Variants in NAV2 observed in about 807,000 individuals in gnomAD.
The protein encoded by NAV2 is helicase, APC down-regulated 1.
In NAV2, 54 loss-of-function variants were observed where a neutral mutation model predicts 223.2. That is an observed-to-expected ratio of 0.24 (90% CI 0.19 to 0.30). NAV2 has a LOEUF of 0.30. Ranked by LOEUF, NAV2 falls within the 10% of genes least tolerant of loss-of-function variation. NAV2 has a pLI of 1.00. For missense variants in NAV2, 2,806 were observed against 3,147.5 expected (o/e 0.89, Z 2.60); for synonymous variants, 1,279 against 1,239.3 (o/e 1.03, Z -0.67).
At chr11:19,670,359 G>A (rs761319383) in intron 1 of NAV2, among the ~76,000 whole-genome samples, 1 of 152,186 alleles carries the variant, frequency 6.6e-6, no homozygotes, top group Non-Finnish European at 1.5e-5. Context: ...ACAAGGAAAA[G>A]GCCAAGCCAC....
chr11:19,527,567 C>A (rs530128827), intron 1 of NAV2, among the ~76,000 whole-genome samples: 1 of 152,104 alleles, frequency 6.6e-6, no homozygotes, highest in Non-Finnish European at 1.5e-5. Context: ...TCAGGCTCTC[C>A]AGCCCATTGA....
At chr11:19,370,494 C>G (rs529220404) in intron 1 of NAV2, among the ~76,000 whole-genome samples, 1 of 152,360 alleles carries the variant, frequency 6.6e-6, no homozygotes, top group South Asian at 2.1e-4. Context: ...TCAGATGGCA[C>G]AGTTTTTGGC....
At chr11:19,773,459 A>C (rs76310489) in intron 1 of NAV2, among the ~76,000 whole-genome samples, 4 of 152,102 alleles carry the variant, frequency 2.6e-5, no homozygotes, top group African/African-American at 9.7e-5. Context: ...GGGCCAGGGG[A>C]TGGGTCAGAA....
At chr11:19,594,180 G>A (rs947382879) in intron 1 of NAV2, among the ~76,000 whole-genome samples, 1 of 152,212 alleles carries the variant, frequency 6.6e-6, no homozygotes, top group Admixed American at 6.5e-5. Flanking sequence ...GGGGCTGTTG[G>A]AGATAAGGAA....
chr11:19,626,000 A>G (rs1234646910), intron 1 of NAV2, among the ~76,000 whole-genome samples: 1 of 151,822 alleles, frequency 6.6e-6, no homozygotes, highest in Admixed American at 6.6e-5. Context: ...TACTTTGTTG[A>G]TTGTTTCCCT....
chr11:19,697,177 T>G (rs1565175664), intron 1 of NAV2, among the ~76,000 whole-genome samples: 1 of 152,162 alleles, frequency 6.6e-6, no homozygotes, highest in Non-Finnish European at 1.5e-5. Context: ...AACGTAAGAA[T>G]GGAAAACCAA....
At chr11:19,846,940 A>G (rs1182722981) in intron 3 of NAV2, among the ~76,000 whole-genome samples, 6 of 152,094 alleles carry the variant, frequency 3.9e-5, no homozygotes, top group Non-Finnish European at 8.8e-5. Context: ...TTGGAGATGG[A>G]GCTTTAGAAA....
At chr11:19,753,173 A>G (rs2053971938) in intron 1 of NAV2, among the ~76,000 whole-genome samples, 1 of 152,174 alleles carries the variant, frequency 6.6e-6, no homozygotes, top group Non-Finnish European at 1.5e-5. Flanking sequence ...AGTCTACGGT[A>G]TTCTGTTATA....
chr11:20,011,558 T>C lies in NAV2; in HGVS notation c.2769-24401T>C, dbSNP rs140751814. The stretch of plus-strand genomic sequence containing the variant: ...TGGGAGTAAGAACTCATTGTACAGG[T>C]GATGAAACAGACACACATCGCTTAA... On this transcript the variant is annotated intron_variant, in intron 11 of 37. Coordinates refer to ENST00000349880, the MANE Select transcript of NAV2 (RefSeq NM_145117.5). Among the ~76,000 whole-genome samples the C allele has an allele frequency of 4.9e-3, 747 of 152,282 alleles. 8 individuals carry two copies. Among genetic ancestry groups the C allele is most frequent in the African/African-American group, 0.017 (710 of 41,540 alleles).
chr11:19,529,078 A>G (rs1402735332), intron 1 of NAV2, among the ~76,000 whole-genome samples: 1 of 152,194 alleles, frequency 6.6e-6, no homozygotes, highest in Non-Finnish European at 1.5e-5. Context: ...ACACACACAC[A>G]CTCCAGGTCG....
At chr11:19,925,556 C>A (rs2044670059) in intron 6 of NAV2, among the ~76,000 whole-genome samples, 3 of 151,968 alleles carry the variant, frequency 2.0e-5, no homozygotes, top group Admixed American at 6.6e-5. Flanking sequence ...CGAGACCAAC[C>A]CGGCCAATGT....
chr11:19,851,192 A>T (rs1565426996), intron 3 of NAV2, among the ~76,000 whole-genome samples: 1 of 152,194 alleles, frequency 6.6e-6, no homozygotes, highest in Non-Finnish European at 1.5e-5. Flanking sequence ...TAACTTGCCC[A>T]AGGTCACACA....
chr11:20,020,130 A>C (rs758767400), intron 11 of NAV2, among the ~76,000 whole-genome samples: 2 of 152,242 alleles, frequency 1.3e-5, no homozygotes, highest in African/African-American at 2.4e-5. Flanking sequence ...TTGTTTTCAT[A>C]AAATACTCAT....
chr11:19,803,125 G>A (rs767092977), intron 1 of NAV2, among the ~76,000 whole-genome samples: 26 of 152,104 alleles, frequency 1.7e-4, no homozygotes, highest in Admixed American at 1.5e-3. Flanking sequence ...GGAGGAGGCT[G>A]CCAAGGTTAA....
chr11:19,580,901 A>G (rs1590595225), intron 1 of NAV2, among the ~76,000 whole-genome samples: 2 of 152,220 alleles, frequency 1.3e-5, no homozygotes, highest in African/African-American at 4.8e-5. Flanking sequence ...TCCTCCCACA[A>G]GAATGTGTAA....
rs959760015 is a variant in NAV2, at chr11:20,045,300, G to A, written c.3532G>A (p.Gly1178Arg). 8.7e-6 allele frequency: 14 copies of A among 1,614,046 alleles called. No homozygotes were observed. The highest frequency in any genetic ancestry group is 1.7e-5 in the Admixed American group (1 of 60,000). Residue 1178 changes from glycine to arginine, a missense_variant, in exon 14 of 38, where the codon GGG becomes AGG. Gly to Arg is a moderately radical substitution (Grantham distance 125). This residue lies in a region of NAV2 where 742 missense variants were observed against 777.9 expected (regional missense o/e 0.95). Transcript: ENST00000349880. The part of the protein sequence containing the change: ...SMDGAQNQDD[G>R]YLALSSRTNL... ...GGATGGGGCTCAGAATCAGGATGAC[G>A]GGTATCTAGCCCTAAGCTCCCGGAC...
chr11:19,563,951 A>G (rs895217684), intron 1 of NAV2, among the ~76,000 whole-genome samples: 8 of 152,358 alleles, frequency 5.3e-5, no homozygotes, highest in Non-Finnish European at 8.8e-5. Flanking sequence ...AAGCAAAGCA[A>G]ATATATTTAA....
chr11:20,111,341 TG>T (rs1320342025), intron 36 of NAV2, among the ~76,000 whole-genome samples: 2 of 152,206 alleles, frequency 1.3e-5, no homozygotes, highest in Non-Finnish European at 2.9e-5. Context: ...TCCTCCCCTC[TG>T]TGTCTGTCTG....
chr11:19,703,141 TTA>T (rs1164848470), intron 1 of NAV2, among the ~76,000 whole-genome samples: 3 of 141,532 alleles, frequency 2.1e-5, no homozygotes, highest in Non-Finnish European at 4.9e-5. Context: ...TAATATTTTT[TTA>T]AATTACAAAA....
Sources: allele counts gnomAD v4.1 joint callset (sites outside exome capture counted in the v4.1 genomes callset), GRCh38; gene constraint gnomAD v4.1.1; regional missense constraint gnomAD v4.1.1; transcripts MANE v1.5; gene names NCBI Gene and HGNC (gene_info 2026-07-23, HGNC 2026-07-21).